Variants in FBXO32 observed in about 807,000 individuals in gnomAD.
FBXO32 encodes F-box protein 32, also known as F-box only protein 32.
Under a neutral mutation model 48.3 loss-of-function variants are expected in FBXO32, and 15 were observed. The ratio of observed to expected loss-of-function variants is 0.31; its 90% CI spans 0.21 to 0.48. FBXO32 has a LOEUF of 0.48. Ranked by LOEUF, FBXO32 falls within the 20% of genes least tolerant of loss-of-function variation. The pLI, the probability that FBXO32 is intolerant of heterozygous loss-of-function variation, is 0.99. For missense variants in FBXO32, 309 were observed against 432.7 expected (o/e 0.71, Z 2.54); for synonymous variants, 154 against 165.9 (o/e 0.93, Z 0.55).
At chr8:123,514,165 G>A (rs187068277) in intron 5 of FBXO32, 75 bp downstream of exon 5, 19 of 1,036,380 alleles carry the variant, frequency 1.8e-5, no homozygotes, top group African/African-American at 1.5e-4. Context: ...CTAATGACAC[G>A]TCCACTTCAT....
rs1586984943 is a variant in FBXO32, at chr8:123,501,333, T to C, written c.*2040A>G. 6.7e-6 allele frequency: 1 copy of C among 148,770 alleles called. No homozygotes were observed. Among genetic ancestry groups the C allele is most frequent in the South Asian group, 2.1e-4 (1 of 4,686 alleles). 9.2% of individuals were successfully genotyped at this position (148,770 alleles called of 1,614,324 possible). Reference sequence around the variant, plus strand: ...AGCAGTCTAGGTCCTGCATTCCCAATGTGAAATTGGTTCAGGGGGAGAGGG... The same window carrying C: ...AGCAGTCTAGGTCCTGCATTCCCAACGTGAAATTGGTTCAGGGGGAGAGGG... On this transcript the variant is annotated 3_prime_UTR_variant, in exon 9 of 9. Coordinates refer to ENST00000517956, the MANE Select transcript of FBXO32 (RefSeq NM_058229.4).
chr8:123,532,074 A>C, intron 3 of FBXO32, 84 bp from the exon 4 acceptor site: 4 of 1,575,118 alleles, frequency 2.5e-6, no homozygotes, highest in Non-Finnish European at 3.4e-6. Context: ...GAACAACCCA[A>C]CTGGATTTTG....
chr8:123,510,380 G>A (rs1350069409), intron 6 of FBXO32, among the ~76,000 whole-genome samples: 1 of 152,318 alleles, frequency 6.6e-6, no homozygotes, highest in Admixed American at 6.5e-5. Flanking sequence ...GGGAGGCTGA[G>A]ACAGGCGGAT....
At chr8:123,529,382 T>C (rs1817153997) in intron 4 of FBXO32, among the ~76,000 whole-genome samples, 1 of 152,216 alleles carries the variant, frequency 6.6e-6, no homozygotes, top group South Asian at 2.1e-4. Context: ...ATAATTTTGG[T>C]AAGTGGGTAA....
intron 4 of FBXO32, among the ~76,000 whole-genome samples, chr8:123,516,000 A>C (rs1035431592): frequency 6.6e-6 from 1 of 152,214 alleles, no homozygotes; most frequent in Non-Finnish European, 1.5e-5. Flanking sequence ...TTAAAAAATA[A>C]AAAATAAAAA....
Position 123,506,656 on chromosome 8 carries a change from G to T in FBXO32, c.652-82C>A. On this transcript the variant is annotated intron_variant, in intron 6 of 8. Transcript: ENST00000517956. This position sits in a 1 kb window ranked among gnomAD's most constrained non-coding sequence, Gnocchi z 4.0. Reference sequence around the variant, plus strand: ...CCACACCCTCCAGGCATGCAGCTGTGCCCGTCCTCCACCCTCAAGGCAGTT... The same window carrying T: ...CCACACCCTCCAGGCATGCAGCTGTTCCCGTCCTCCACCCTCAAGGCAGTT... 1 of 1,233,954 alleles carries T rather than the reference G, an allele frequency of 8.1e-7. No homozygotes were observed. The highest frequency in any genetic ancestry group is 1.5e-5 in the African/African-American group (1 of 66,140). The allele number at this position is 1,233,954 out of a possible 1,614,324, so 76.4% of individuals were successfully genotyped here.
rs1270070810 is a variant in FBXO32 at position 123,540,270 on chromosome 8, C to A, written c.116+629G>T. Among the ~76,000 whole-genome samples, 11 of 152,206 alleles carry A rather than the reference C, an allele frequency of 7.2e-5. No individual in the cohort carries two copies. Among genetic ancestry groups the A allele is most frequent in the Admixed American group, 7.2e-4 (11 of 15,290 alleles). On this transcript the variant is annotated intron_variant, in intron 1 of 8. Coordinates refer to ENST00000517956, the MANE Select transcript of FBXO32 (RefSeq NM_058229.4). This position sits in a 1 kb window ranked among gnomAD's most constrained non-coding sequence, Gnocchi z 6.4. The stretch of plus-strand genomic sequence containing the variant: ...GATTCATCCCCTGCCCCCTTCCCTC[C>A]TTTGCACCTCTGCAGCCCCAAGCCT...
rs145678115 is a variant in FBXO32, at chr8:123,525,328, G to T, written c.372+6570C>A. Among the ~76,000 whole-genome samples the T allele has an allele frequency of 3.9e-4, 60 of 152,242 alleles. No homozygotes were observed. In the East Asian group the frequency reaches 0.01, roughly 26 times the overall value. ...AAACTGGGGTTGCAAGCTTTTATTT[G>T]TTCTTCTTGATCCACTAGCACATAC... On this transcript the variant is annotated intron_variant, in intron 4 of 8. Transcript: ENST00000517956. The surrounding 1 kb of genome is among the most constrained non-coding windows in gnomAD (Gnocchi z 4.3).
intron 6 of FBXO32, among the ~76,000 whole-genome samples, chr8:123,508,163 T>C (rs956821331): frequency 6.6e-6 from 1 of 152,168 alleles, no homozygotes; most frequent in Admixed American, 6.5e-5. Flanking sequence ...GAAGAAACCC[T>C]TCCTTAGCTC....
In FBXO32 at chr8:123,525,948, C is replaced by T. The variant is rs1159181772; in HGVS notation, c.372+5950G>A. Among the ~76,000 whole-genome samples the T allele has an allele frequency of 6.6e-6, 1 of 151,916 alleles. No individual in the cohort carries two copies. Among genetic ancestry groups the T allele is most frequent in the Non-Finnish European group, 1.5e-5 (1 of 67,998 alleles). On this transcript the variant is annotated intron_variant, in intron 4 of 8. Transcript: ENST00000517956. The surrounding 1 kb of genome is among the most constrained non-coding windows in gnomAD (Gnocchi z 4.3). Reference sequence around the variant, plus strand: ...TTCTTGTTTTTTTTCCAGTGGCTTCCTCCTGCGTACTAGATAATATAGCCT... The same window carrying T: ...TTCTTGTTTTTTTTCCAGTGGCTTCTTCCTGCGTACTAGATAATATAGCCT...
Position 123,503,149 on chromosome 8 carries a change from A to T in FBXO32, c.*224T>A. 1 of 390,984 alleles carries T rather than the reference A, an allele frequency of 2.6e-6. No homozygotes were observed. Among genetic ancestry groups the T allele is most frequent in the Non-Finnish European group, 4.6e-6 (1 of 217,950 alleles). 24.2% of individuals were successfully genotyped at this position (390,984 alleles called of 1,614,324 possible). A position where few individuals can be genotyped will look rare whatever the true frequency, so the allele number is the denominator to read the frequency against. On this transcript the variant is annotated 3_prime_UTR_variant, in exon 9 of 9. Transcript: ENST00000517956. Reference sequence around the variant, plus strand: ...ATTGTTAGAAAAAAAGTTTATTTACAGTATTTTGCTTTTCCATACCAATTC... The same window carrying T: ...ATTGTTAGAAAAAAAGTTTATTTACTGTATTTTGCTTTTCCATACCAATTC...
At chr8:123,537,363 C>T (rs1284915826) in intron 1 of FBXO32, among the ~76,000 whole-genome samples, 1 of 151,522 alleles carries the variant, frequency 6.6e-6, no homozygotes, top group Non-Finnish European at 1.5e-5. Context: ...AGGCACAGGC[C>T]TAGAATAAGA....
In FBXO32 at chr8:123,540,870, G is replaced by A. The variant is rs1817396741; in HGVS notation, c.116+29C>T. The A allele has an allele frequency of 1.3e-6, 2 of 1,581,608 alleles. No individual in the cohort carries two copies. The highest frequency in any genetic ancestry group is 1.7e-6 in the Non-Finnish European group (2 of 1,153,506). On this transcript the variant is annotated intron_variant, in intron 1 of 8. Coordinates refer to ENST00000517956, the MANE Select transcript of FBXO32 (RefSeq NM_058229.4). The surrounding 1 kb of genome is among the most constrained non-coding windows in gnomAD (Gnocchi z 6.4). Reference sequence around the variant, plus strand: ...GACCAGCCCGGGTCAGTTTCGCGGGGGCTGGAAGTTGGTAGCGGGTCCCCT... The same window carrying A: ...GACCAGCCCGGGTCAGTTTCGCGGGAGCTGGAAGTTGGTAGCGGGTCCCCT...
chr8:123,511,622 T>C lies in FBXO32; in HGVS notation c.651+1576A>G, dbSNP rs949066022. The stretch of plus-strand genomic sequence containing the variant: ...TCCCGAGTAGCTGGGACTACAGGTG[T>C]GTACCACCATGCCTGGCTAATTTTT... On this transcript the variant is annotated intron_variant, in intron 6 of 8. Coordinates refer to ENST00000517956, the MANE Select transcript of FBXO32 (RefSeq NM_058229.4). Among the ~76,000 whole-genome samples the C allele has an allele frequency of 3.9e-5, 6 of 152,140 alleles. 1 individual carries two copies. The highest frequency in any genetic ancestry group is 6.5e-5 in the Admixed American group (1 of 15,276).
chr8:123,533,104 G>T, intron 3 of FBXO32, 87 bp downstream of exon 3: 1 of 974,954 alleles, frequency 1.0e-6, no homozygotes, highest in Non-Finnish European at 1.6e-6. Context: ...ATGATCCGAA[G>T]TAATTTCCCT....
At chr8:123,521,973 G>A (rs910402703) in intron 4 of FBXO32, among the ~76,000 whole-genome samples, 1 of 152,074 alleles carries the variant, frequency 6.6e-6, no homozygotes, top group Non-Finnish European at 1.5e-5. Context: ...AAAAAACCTG[G>A]AAAGTTTTGT....
At position 123,525,015 on chromosome 8, in the gene FBXO32, G is replaced by C. The variant is rs1479516398; in HGVS notation, c.372+6883C>G. ...ACTGTGGCAGAGGAACCTGTGTGAA[G>C]GGGCCAGGATGCTGATGCACATCAA... On this transcript the variant is annotated intron_variant, in intron 4 of 8. Coordinates refer to ENST00000517956, the MANE Select transcript of FBXO32 (RefSeq NM_058229.4). The surrounding 1 kb of genome is among the most constrained non-coding windows in gnomAD (Gnocchi z 4.3). Among the ~76,000 whole-genome samples the C allele has an allele frequency of 1.1e-4, 17 of 152,248 alleles. No homozygotes were observed. Among genetic ancestry groups the C allele is most frequent in the Non-Finnish European group, 2.1e-4 (14 of 68,040 alleles).
At chr8:123,529,965 T>C (rs1032434052) in intron 4 of FBXO32, among the ~76,000 whole-genome samples, 95 of 152,246 alleles carry the variant, frequency 6.2e-4, no homozygotes, top group African/African-American at 2.1e-3. Context: ...TGGAAACTAT[T>C]TGGATTCTTA....
intron 1 of FBXO32, 74 bp from the exon 2 acceptor site, chr8:123,534,888 T>C (rs1056245153): frequency 2.3e-6 from 2 of 867,548 alleles, no homozygotes; most frequent in Non-Finnish European, 3.7e-6. Flanking sequence ...TATAAATAAC[T>C]CACTGAGTTA....
Sources: allele counts gnomAD v4.1 joint callset (sites outside exome capture counted in the v4.1 genomes callset), GRCh38; gene constraint gnomAD v4.1.1; non-coding constraint Gnocchi (gnomAD v3.1); transcripts MANE v1.5; gene names NCBI Gene and HGNC (gene_info 2026-07-23, HGNC 2026-07-21).